The following USP20 variants were observed in gnomAD, a reference collection of about 807,000 sequenced individuals.
The protein encoded by USP20 is ubiquitin carboxyl-terminal hydrolase 20.
In USP20, 80 loss-of-function variants were observed where a neutral mutation model predicts 124.2. The observed-to-expected ratio is 0.64, with a 90% CI of 0.54 to 0.78. USP20 has a LOEUF of 0.78. Among genes scored for constraint, USP20 ranks in the 30% least tolerant of loss-of-function variants. The pLI is 0.00. For missense variants in USP20, 1,043 were observed against 1,244.4 expected (o/e 0.84, Z 2.44); for synonymous variants, 481 against 512.3 (o/e 0.94, Z 0.83).
At chr9:129,877,039 C>T (rs115816655) in intron 22 of USP20, among the ~76,000 whole-genome samples, 19 of 152,250 alleles carry the variant, frequency 1.2e-4, no homozygotes, top group African/African-American at 4.6e-4. Context: ...AACCAAGGTG[C>T]AAACCAGGAC....
intron 1 of USP20, among the ~76,000 whole-genome samples, chr9:129,841,080 T>G (rs575301211): frequency 4.3e-4 from 66 of 152,284 alleles, no homozygotes; most frequent in African/African-American, 1.3e-3. Context: ...CTAGAAACTT[T>G]CACATTGATG....
Position 129,861,632 on chromosome 9 carries a change from G to C in USP20, c.497+20G>C. On this transcript the variant is annotated intron_variant, in intron 8 of 25. Transcript: ENST00000372429. ...CAATTGGTAGGTCGACACTTTGTCCGAGGGCCGAGAGCTGTCCCTGGCAAA... is the reference window on the plus strand; with the variant it reads ...CAATTGGTAGGTCGACACTTTGTCCCAGGGCCGAGAGCTGTCCCTGGCAAA... 2 of 1,612,730 alleles carry C rather than the reference G, an allele frequency of 1.2e-6. No homozygotes were observed. The highest frequency in any genetic ancestry group is 1.7e-6 in the Non-Finnish European group (2 of 1,178,990).
Position 129,865,339 on chromosome 9 carries a change from G to C in USP20, c.648G>C (p.Gly216=). Reference sequence around the variant, plus strand: ...TGGTCCCCACCAGTCTGTCTCATGGGATCAAGTTGGTCAACCCAATGTTCC... The same window carrying C: ...TGGTCCCCACCAGTCTGTCTCATGGCATCAAGTTGGTCAACCCAATGTTCC... The part of the protein sequence containing the change: ...SYVVPTSLSH[G]IKLVNPMFRG... The change falls in exon 10 of 26, where the codon GGG becomes GGC. Residue 216 remains glycine (G), a synonymous_variant. Transcript: ENST00000372429. 3 of 1,614,192 alleles carry C rather than the reference G, an allele frequency of 1.9e-6. No individual in the cohort carries two copies. Among genetic ancestry groups the C allele is most frequent in the Non-Finnish European group, 2.5e-6 (3 of 1,180,014 alleles).
At chr9:129,866,611 C>T (rs1312138747) in intron 10 of USP20, among the ~76,000 whole-genome samples, 1 of 152,196 alleles carries the variant, frequency 6.6e-6, no homozygotes, top group East Asian at 1.9e-4. Flanking sequence ...TTACGGAGGG[C>T]CATGCGCTGC....
At position 129,865,129 on chromosome 9, in the gene USP20, T is replaced by C. The variant is rs192214023; in HGVS notation, c.612-174T>C. ...GAGGCAGCTATGACTTGACATTTTC[T>C]TCTTGTCTGTAGAGATGTGTGAGCC... On this transcript the variant is annotated intron_variant, in intron 9 of 25. Transcript: ENST00000372429. 1.5e-3 allele frequency among the ~76,000 whole-genome samples: 225 copies of C among 152,370 alleles called. 4 individuals are homozygous for C. The highest frequency in any genetic ancestry group is 0.012 in the Admixed American group (180 of 15,306).
chr9:129,838,671 T>C (rs1451555468), intron 1 of USP20, among the ~76,000 whole-genome samples: 1 of 152,210 alleles, frequency 6.6e-6, no homozygotes, highest in African/African-American at 2.4e-5. Flanking sequence ...GGATCTGATT[T>C]CAGGCCCCAG....
intron 9 of USP20, among the ~76,000 whole-genome samples, chr9:129,864,641 G>A (rs2033732517): frequency 6.6e-6 from 1 of 151,614 alleles, no homozygotes; most frequent in Admixed American, 6.6e-5. Flanking sequence ...GGGCATGGTG[G>A]CGCGCACCTG....
chr9:129,863,469 T>C (rs1337834920), intron 9 of USP20, among the ~76,000 whole-genome samples, 170 bp downstream of exon 9: 1 of 152,162 alleles, frequency 6.6e-6, no homozygotes, highest in Non-Finnish European at 1.5e-5. Flanking sequence ...TCCAGTCCTG[T>C]TTTACAAATA....
At chr9:129,870,360 G>A (rs577026850) in intron 14 of USP20, 93 bp from the exon 15 acceptor site, 28 of 1,378,866 alleles carry the variant, frequency 2.0e-5, no homozygotes, top group South Asian at 8.9e-5. Context: ...GTCCTTCTGC[G>A]GCTCAGGCCT....
At chr9:129,837,595 G>A (rs1243023374) in intron 1 of USP20, among the ~76,000 whole-genome samples, 4 of 152,208 alleles carry the variant, frequency 2.6e-5, no homozygotes, top group Non-Finnish European at 5.9e-5. Flanking sequence ...AGAGACAAAA[G>A]ATCCCTGATT....
At chr9:129,864,119 A>AC (rs1345452507) in intron 9 of USP20, among the ~76,000 whole-genome samples, 2 of 145,444 alleles carry the variant, frequency 1.4e-5, no homozygotes, top group African/African-American at 5.0e-5. Context: ...AAAAAAAAAC[A>AC]AAAACAAAAC....
chr9:129,870,272 G>A (rs1171003666), intron 14 of USP20, 181 bp from the exon 15 acceptor site: 3 of 616,706 alleles, frequency 4.9e-6, no homozygotes, highest in Admixed American at 6.0e-5. Context: ...GATGTCACTC[G>A]GCCCAGGACA....
chr9:129,841,689 G>A (rs1444880222), intron 1 of USP20, among the ~76,000 whole-genome samples: 1 of 152,208 alleles, frequency 6.6e-6, no homozygotes, highest in Non-Finnish European at 1.5e-5. Context: ...GGGTTCAGAA[G>A]CGCAGGCTGC....
chr9:129,843,414 A>G (rs2032349592), intron 1 of USP20, among the ~76,000 whole-genome samples: 1 of 146,542 alleles, frequency 6.8e-6, no homozygotes, highest in Non-Finnish European at 1.5e-5. Context: ...TAGGCAACAG[A>G]CTAAGACTCT....
chr9:129,868,760 A>T, intron 11 of USP20, 102 bp from the exon 12 acceptor site: 1 of 1,482,100 alleles, frequency 6.7e-7, no homozygotes, highest in East Asian at 2.3e-5. Flanking sequence ...CATTAGGGTC[A>T]GGCTTTCGTC....
intron 22 of USP20, 41 bp from the exon 23 acceptor site, chr9:129,878,297 G>T: frequency 1.3e-6 from 2 of 1,504,750 alleles, no homozygotes; most frequent in South Asian, 2.4e-5. Context: ...AATAGAGACT[G>T]ACCTGCCCTC....
intron 4 of USP20, among the ~76,000 whole-genome samples, chr9:129,857,589 G>A (rs112886446): frequency 3.0e-4 from 46 of 152,306 alleles, no homozygotes; most frequent in African/African-American, 9.6e-4. Context: ...GTCAGTACTG[G>A]GTTCCCACTA....
chr9:129,868,236 G>T lies in USP20; in HGVS notation c.922G>T (p.Glu308Ter). 2.5e-6 allele frequency: 4 copies of T among 1,613,878 alleles called. No individual in the cohort carries two copies. The highest frequency in any genetic ancestry group is 1.3e-5 in the African/African-American group (1 of 75,034). ...QGRGGGSSQA[E>*]TELLIPDEAG... ...GCGTGGCGGGGGCAGCTCGCAGGCCGAGACGGAGCTGCTGATCCCAGATGA... is the reference window on the plus strand; with the variant it reads ...GCGTGGCGGGGGCAGCTCGCAGGCCTAGACGGAGCTGCTGATCCCAGATGA... Residue 308 changes from glutamate (E) to a stop codon, truncating the protein, a stop_gained, in exon 11 of 26, where the codon GAG (glutamate) becomes TAG (stop). Transcript: ENST00000372429. LOFTEE classifies it high-confidence loss of function.
intron 13 of USP20, 120 bp from the exon 14 acceptor site, chr9:129,869,552 C>A: frequency 6.5e-7 from 1 of 1,528,974 alleles, no homozygotes; most frequent in East Asian, 2.3e-5. Flanking sequence ...AGGGCCCTGC[C>A]TGCGTGGATC....
Sources: gnomAD v4.1 joint callset for allele counts (sites outside exome capture counted in the v4.1 genomes callset) on GRCh38, gnomAD v4.1.1 for gene constraint, MANE v1.5 for transcripts, NCBI Gene and HGNC (gene_info 2026-07-23, HGNC 2026-07-21) for gene names.